Variants in UBE2E2 observed in about 807,000 individuals in gnomAD.
UBE2E2 encodes ubiquitin-conjugating enzyme E2 E2.
In UBE2E2, 6 loss-of-function variants were observed where a neutral mutation model predicts 24.7. The ratio of observed to expected loss-of-function variants is 0.24; its 90% CI spans 0.13 to 0.48. UBE2E2 has a LOEUF of 0.48. UBE2E2 is among the 20% of genes least tolerant of loss of function. The pLI, the probability that UBE2E2 is intolerant of heterozygous loss-of-function variation, is 0.99. For synonymous variants in UBE2E2, 104 were observed against 83.6 expected (o/e 1.24, Z -1.33); for missense variants, 169 against 245.0 (o/e 0.69, Z 2.07).
At chr3:23,365,588 T>G (rs1185185258) in intron 3 of UBE2E2, among the ~76,000 whole-genome samples, 1 of 152,066 alleles carries the variant, frequency 6.6e-6, no homozygotes, top group South Asian at 2.1e-4. Context: ...AAATGAGAAT[T>G]ACAAAACACT....
chr3:23,416,255 A>G (rs780779754), intron 3 of UBE2E2, among the ~76,000 whole-genome samples: 11 of 152,324 alleles, frequency 7.2e-5, no homozygotes, highest in Non-Finnish European at 1.2e-4. Context: ...GGTGGTGACA[A>G]AATCTCTCAG....
intron 3 of UBE2E2, among the ~76,000 whole-genome samples, chr3:23,315,221 C>T (rs939806417): frequency 6.6e-6 from 1 of 152,052 alleles, no homozygotes; most frequent in Non-Finnish European, 1.5e-5. Context: ...GGAGTTTGTC[C>T]CCATTCCATT....
chr3:23,247,206 C>CT lies in UBE2E2; in HGVS notation c.227+29899dup, dbSNP rs1230415117. 2.0e-5 allele frequency among the ~76,000 whole-genome samples: 3 copies of CT among 152,042 alleles called. 1 individual carries two copies. Among genetic ancestry groups the CT allele is most frequent in the African/African-American group, 7.2e-5 (3 of 41,494 alleles). Reference sequence around the variant, plus strand: ...AAAAGTAAAAGAATTTATTTATTCTCTTTTTATTCCAATTTATTAATTAAT... The same window carrying CT: ...AAAAGTAAAAGAATTTATTTATTCTCTTTTTTATTCCAATTTATTAATTAAT... On this transcript the variant is annotated intron_variant, in intron 3 of 5. Coordinates refer to ENST00000396703, the MANE Select transcript of UBE2E2 (RefSeq NM_152653.4).
chr3:23,384,747 T>C (rs1056633411), intron 3 of UBE2E2, among the ~76,000 whole-genome samples: 4 of 151,628 alleles, frequency 2.6e-5, no homozygotes, highest in African/African-American at 9.7e-5. Context: ...TTCACCATAT[T>C]GGCCAGGCTG....
At chr3:23,361,057 G>A (rs1282554480) in intron 3 of UBE2E2, among the ~76,000 whole-genome samples, 1 of 152,062 alleles carries the variant, frequency 6.6e-6, no homozygotes, top group African/African-American at 2.4e-5. Flanking sequence ...TATACAAACA[G>A]CCAACAAAAA....
At chr3:23,235,368 A>T (rs992163711) in intron 3 of UBE2E2, among the ~76,000 whole-genome samples, 3 of 152,170 alleles carry the variant, frequency 2.0e-5, no homozygotes, top group Non-Finnish European at 2.9e-5. Flanking sequence ...TACAAACTGC[A>T]TGTGCTGAAG....
chr3:23,475,016 A>G (rs1699097476), intron 3 of UBE2E2, among the ~76,000 whole-genome samples: 2 of 152,192 alleles, frequency 1.3e-5, no homozygotes, highest in Admixed American at 6.5e-5. Flanking sequence ...AACTTTCTCC[A>G]TGTTTTCCTT....
chr3:23,543,971 C>A (rs1278283642), intron 5 of UBE2E2, among the ~76,000 whole-genome samples: 4 of 152,058 alleles, frequency 2.6e-5, no homozygotes, highest in Admixed American at 6.6e-5. Context: ...GAAAGGACAC[C>A]CTATTCAACA....
chr3:23,446,565 A>G (rs578039029), intron 3 of UBE2E2, among the ~76,000 whole-genome samples: 1 of 152,214 alleles, frequency 6.6e-6, no homozygotes, highest in East Asian at 1.9e-4. Flanking sequence ...CATCTTCCCT[A>G]CTGATAGGGA....
chr3:23,248,151 G>C (rs1697467666), intron 3 of UBE2E2, among the ~76,000 whole-genome samples: 1 of 152,168 alleles, frequency 6.6e-6, no homozygotes, highest in Admixed American at 6.5e-5. Flanking sequence ...CATCAAAAAA[G>C]CAATTAGTGT....
intron 3 of UBE2E2, among the ~76,000 whole-genome samples, chr3:23,263,235 A>G (rs1474917138): frequency 6.6e-6 from 1 of 152,224 alleles, no homozygotes; most frequent in Non-Finnish European, 1.5e-5. Context: ...GCAAAGAACC[A>G]TAGGTTTCTT....
intron 3 of UBE2E2, among the ~76,000 whole-genome samples, chr3:23,426,699 A>T (rs375435690): frequency 6.6e-6 from 1 of 152,180 alleles, no homozygotes; most frequent in Non-Finnish European, 1.5e-5. Flanking sequence ...AATTGAGAGA[A>T]TTTGTTGCCA....
chr3:23,250,361 G>A (rs1360270282), intron 3 of UBE2E2, among the ~76,000 whole-genome samples: 1 of 152,124 alleles, frequency 6.6e-6, no homozygotes, highest in Non-Finnish European at 1.5e-5. Flanking sequence ...GCTGCTTTGA[G>A]GTTTCTGAGA....
intron 3 of UBE2E2, among the ~76,000 whole-genome samples, chr3:23,399,396 G>A (rs539226290): frequency 6.6e-6 from 1 of 152,266 alleles, no homozygotes; most frequent in South Asian, 2.1e-4. Context: ...AGGGCAGATA[G>A]TGTACACAAT....
At position 23,430,526 on chromosome 3, in the gene UBE2E2, TG is replaced by T. The variant is rs925191109; in HGVS notation, c.228-69081del. ...GGTGGTTGTGTGGCGTTTTTTTTGT[TG>T]TTTTTTTGTTTTTTTCTTTGAGACA... On this transcript the variant is annotated intron_variant, in intron 3 of 5. Transcript: ENST00000396703. Among the ~76,000 whole-genome samples the T allele has an allele frequency of 8.5e-5, 13 of 152,092 alleles. No homozygotes were observed. The East Asian group carries it at 2.1e-3, about 25-fold the overall frequency.
At chr3:23,355,179 T>C (rs1010884843) in intron 3 of UBE2E2, among the ~76,000 whole-genome samples, 120 of 137,068 alleles carry the variant, frequency 8.8e-4, no homozygotes, top group Non-Finnish European at 1.2e-3. Flanking sequence ...AATTGAACAG[T>C]GAGAACACAT....
chr3:23,434,072 G>A (rs1456156357), intron 3 of UBE2E2, among the ~76,000 whole-genome samples: 2 of 152,044 alleles, frequency 1.3e-5, no homozygotes, highest in Non-Finnish European at 2.9e-5. Context: ...CTAATAGGTT[G>A]TGCAGAATAC....
intron 3 of UBE2E2, among the ~76,000 whole-genome samples, chr3:23,266,368 C>T (rs1336794150): frequency 3.9e-5 from 6 of 152,106 alleles, no homozygotes; most frequent in Admixed American, 3.9e-4. Context: ...TCAGCATTTG[C>T]TTGTCTGTAA....
At position 23,589,978 on chromosome 3, in the gene UBE2E2, T is replaced by A. The variant is rs1696724559; in HGVS notation, c.*147T>A. 1.5e-6 allele frequency: 1 copy of A among 654,090 alleles called. No individual in the cohort carries two copies. Among genetic ancestry groups the A allele is most frequent in the Non-Finnish European group, 2.6e-6 (1 of 388,762 alleles). 40.5% of individuals were successfully genotyped at this position (654,090 alleles called of 1,614,324 possible). On this transcript the variant is annotated 3_prime_UTR_variant, in exon 6 of 6. Transcript: ENST00000396703. The surrounding 1 kb of genome is among the most constrained non-coding windows in gnomAD (Gnocchi z 4.1). ...TTTTGTGATGGTATGTTGTCCATCT[T>A]CCCATCCCAGTTCTTCCTGCCCCCC...
Sources: allele counts gnomAD v4.1 joint callset (sites outside exome capture counted in the v4.1 genomes callset), GRCh38; gene constraint gnomAD v4.1.1; non-coding constraint Gnocchi (gnomAD v3.1); transcripts MANE v1.5; gene names NCBI Gene and HGNC (gene_info 2026-07-23, HGNC 2026-07-21).